The following TEX52 variants were observed in gnomAD, a reference collection of about 807,000 sequenced individuals.
TEX52 encodes testis-expressed protein 52.
Under a neutral mutation model 17.6 loss-of-function variants are expected in TEX52, and 22 were observed. The observed-to-expected ratio is 1.25, with a 90% CI of 0.89 to 1.78. The LOEUF (loss-of-function observed/expected upper bound fraction) is 1.78, where lower values mean the gene tolerates loss of function less well. Ranked by LOEUF, TEX52 falls within the 40% of genes most tolerant of loss-of-function variation. The pLI, the probability that TEX52 is intolerant of heterozygous loss-of-function variation, is 0.00. For missense variants in TEX52, 396 were observed against 372.3 expected, an observed-to-expected ratio of 1.06 and a Z score of -0.52; for synonymous variants, 168 against 147.4, an observed-to-expected ratio of 1.14 and a Z score of -1.01.
chr12:2,855,192 G>A lies in TEX52; in HGVS notation c.327C>T (p.Pro109=), dbSNP rs1344266885. 6.6e-7 allele frequency: 1 copy of A among 1,508,216 alleles called. No homozygotes were observed. Among genetic ancestry groups the A allele is most frequent in the Non-Finnish European group, 8.9e-7 (1 of 1,129,282 alleles). The allele number at this position is 1,508,216 out of a possible 1,614,324, so 93.4% of individuals were successfully genotyped here. A position where few individuals can be genotyped will look rare whatever the true frequency, so the allele number is the denominator to read the frequency against. ...LDVCRLPATF[P]TQPDRPYDSN... The stretch of plus-strand genomic sequence containing the variant: ...TATCGTAGGGCCTGTCAGGCTGGGT[G>A]GGGAAGGTGGCAGGCAGACGGCACA... The change falls in exon 2 of 3, where the codon CCC becomes CCT. Residue 109 remains proline, a synonymous_variant. Coordinates refer to ENST00000637658, the MANE Select transcript of TEX52 (RefSeq NM_001365174.2).
intron 2 of TEX52, among the ~76,000 whole-genome samples, chr12:2,850,249 G>T (rs1052288642): frequency 2.6e-5 from 4 of 152,098 alleles, no homozygotes; most frequent in Non-Finnish European, 4.4e-5. Context: ...GCCGAGGCGG[G>T]TGGATCACAA....
In TEX52 at chr12:2,855,433, C is replaced by A; in HGVS notation, c.86G>T (p.Ser29Ile). 1 of 1,467,754 alleles carries A rather than the reference C, an allele frequency of 6.8e-7. No individual in the cohort carries two copies. The highest frequency in any genetic ancestry group is 9.0e-7 in the Non-Finnish European group (1 of 1,108,658). The allele number at this position is 1,467,754 out of a possible 1,614,324, so 90.9% of individuals were successfully genotyped here. ...EEPFLQMVQA[S>I]ESLPPSQTWA... ...CGTTTGGGAGGGTGGGAGGGACTCGCTGGCCTGGACCATCTAGGGAGAGAC... is the reference window on the plus strand; with the variant it reads ...CGTTTGGGAGGGTGGGAGGGACTCGATGGCCTGGACCATCTAGGGAGAGAC... Residue 29 changes from serine to isoleucine, a missense_variant, in exon 2 of 3, where the codon AGC becomes ATC. Physicochemically the swap from Ser to Ile is moderately radical, Grantham distance 142. Transcript: ENST00000637658.
chr12:2,848,990 G>T (rs1047487283), downstream of TEX52: 8 of 496,542 alleles, frequency 1.6e-5, no homozygotes, highest in Middle Eastern at 5.5e-4. Context: ...CCTCCTGGCC[G>T]CAGTCCTCCC....
intron 1 of TEX52, among the ~76,000 whole-genome samples, chr12:2,856,180 C>T (rs1272128176): frequency 6.6e-6 from 1 of 152,186 alleles, no homozygotes; most frequent in African/African-American, 2.4e-5. Flanking sequence ...AAGCAACACA[C>T]AGTAAGGGTA....
At chr12:2,854,866 G>C (rs1013915921) in intron 2 of TEX52, 30 bp downstream of exon 2, 3 of 1,512,054 alleles carry the variant, frequency 2.0e-6, no homozygotes, top group South Asian at 1.3e-5. Flanking sequence ...GGGCAGGCTG[G>C]GTGGGCTCCC....
At chr12:2,852,743 G>T (rs1400834149) in intron 2 of TEX52, among the ~76,000 whole-genome samples, 1 of 152,042 alleles carries the variant, frequency 6.6e-6, no homozygotes, top group Admixed American at 6.6e-5. Flanking sequence ...GGTGGCTCAC[G>T]CCTGTAATCC....
downstream of TEX52, among the ~76,000 whole-genome samples, chr12:2,848,329 A>C (rs114853668): frequency 5.2e-3 from 793 of 152,136 alleles, 9 homozygotes; most frequent in African/African-American, 0.017. Flanking sequence ...CCACCTTCCC[A>C]TCACCCTCCC....
chr12:2,856,829 A>G, intron 1 of TEX52, 126 bp downstream of exon 1: 1 of 653,078 alleles, frequency 1.5e-6, no homozygotes, highest in Non-Finnish European at 2.8e-6. Flanking sequence ...TGAAAAGGGG[A>G]AGACAGCAGA....
rs1565447381 is a variant in TEX52 at position 2,849,509 on chromosome 12, C to CAT, written c.639_640insAT (p.Ala214MetfsTer40). 1 of 1,535,938 alleles carries CAT rather than the reference C, an allele frequency of 6.5e-7. No homozygotes were observed. Among genetic ancestry groups the CAT allele is most frequent in the East Asian group, 2.4e-5 (1 of 40,930 alleles). ...CCCTGGGGTTCAAACCTCCCACCAGCGGATATGTGCCGGTACCTGTTGGGA... is the reference window on the plus strand; with the variant it reads ...CCCTGGGGTTCAAACCTCCCACCAGCATGGATATGTGCCGGTACCTGTTGGGA... On this transcript the variant is annotated frameshift_variant, in exon 3 of 3. Coordinates refer to ENST00000637658, the MANE Select transcript of TEX52 (RefSeq NM_001365174.2). LOFTEE classifies it low-confidence loss of function (END_TRUNC).
chr12:2,854,848 C>T, intron 2 of TEX52, 48 bp downstream of exon 2: 1 of 1,485,836 alleles, frequency 6.7e-7, no homozygotes, highest in Non-Finnish European at 8.9e-7. Context: ...GGAGGGGTCA[C>T]CTGGGCAGGG....
In TEX52 at chr12:2,849,421, G is replaced by C; in HGVS notation, c.728C>G (p.Pro243Arg). 2 of 1,536,214 alleles carry C rather than the reference G, an allele frequency of 1.3e-6. 1 individual carries two copies. The highest frequency in any genetic ancestry group is 2.4e-5 in the South Asian group (2 of 84,064). ...CACCTTCTCCTGGTAGTGAGGCAGA[G>C]GGTTTGGGCAGGGCCAGCTCCTGGC... ...NFARSWPCPN[P>R]LPHYQEKVLK... is the part of the protein sequence containing the mutation. Residue 243 changes from proline (P) to arginine (R), a missense_variant, in exon 3 of 3, where the codon CCT (proline) becomes CGT (arginine). Transcript: ENST00000637658.
At chr12:2,848,367 A>C (rs1288553389), downstream of TEX52, among the ~76,000 whole-genome samples, 1 of 152,164 alleles carries the variant, frequency 6.6e-6, no homozygotes, top group Admixed American at 6.5e-5. Flanking sequence ...GCCAGGGCCA[A>C]CACCATTCTG....
intron 2 of TEX52, among the ~76,000 whole-genome samples, chr12:2,853,234 C>T (rs928138369): frequency 1.3e-5 from 2 of 152,038 alleles, no homozygotes; most frequent in Admixed American, 6.6e-5. Flanking sequence ...AAGCCTGGGT[C>T]CCCACAAAGG....
At chr12:2,850,978 CTT>C (rs35125854) in intron 2 of TEX52, among the ~76,000 whole-genome samples, 970 of 81,468 alleles carry the variant, frequency 0.012, 2 homozygotes, top group Middle Eastern at 0.02. Flanking sequence ...GGCCCAGAGT[CTT>C]TTTTTTTTTT....
intron 2 of TEX52, among the ~76,000 whole-genome samples, chr12:2,853,357 C>T (rs1300608255): frequency 6.6e-6 from 1 of 152,142 alleles, no homozygotes; most frequent in Non-Finnish European, 1.5e-5. Context: ...ACTGCAACCT[C>T]CACCTCCCGG....
chr12:2,855,201 G>A lies in TEX52; in HGVS notation c.318C>T (p.Ala106=). The A allele has an allele frequency of 6.6e-7, 1 of 1,507,114 alleles. No homozygotes were observed. The highest frequency in any genetic ancestry group is 8.9e-7 in the Non-Finnish European group (1 of 1,128,634). 93.4% of individuals were successfully genotyped at this position (1,507,114 alleles called of 1,614,324 possible). The change falls in exon 2 of 3, where the codon GCC becomes GCT. Residue 106 remains alanine (A), a synonymous_variant. Transcript: ENST00000637658. The part of the protein sequence containing the change: ...HTWLDVCRLP[A]TFPTQPDRPY... ...GCCTGTCAGGCTGGGTGGGGAAGGT[G>A]GCAGGCAGACGGCACACATCGAGCC...
intron 2 of TEX52, among the ~76,000 whole-genome samples, chr12:2,852,485 G>C (rs1456584285): frequency 6.6e-6 from 1 of 152,068 alleles, no homozygotes; most frequent in East Asian, 1.9e-4. Context: ...TCCCACTTCA[G>C]CCTCCCATGT....
chr12:2,849,512 A>G lies in TEX52; in HGVS notation c.637T>C (p.Ser213Pro). The change falls in exon 3 of 3, where the codon TCC becomes CCC. Residue 213 changes from serine (S) to proline (P), a missense_variant. Ser to Pro is a moderately conservative substitution (Grantham distance 74). Transcript: ENST00000637658. ...PASFKKYRHI[S>P]AGGRFEPQGL... ...TGGGGTTCAAACCTCCCACCAGCGG[A>G]TATGTGCCGGTACCTGTTGGGAGAA... is the stretch of plus-strand genomic sequence containing the variant. 2 of 1,536,120 alleles carry G rather than the reference A, an allele frequency of 1.3e-6. No homozygotes were observed. The highest frequency in any genetic ancestry group is 1.7e-6 in the Non-Finnish European group (2 of 1,146,904).
At chr12:2,851,107 G>T (rs28870117) in intron 2 of TEX52, among the ~76,000 whole-genome samples, 4,708 of 149,660 alleles carry the variant, frequency 0.031, 228 homozygotes, top group African/African-American at 0.11. Flanking sequence ...GCAGTGAGCA[G>T]TGCCGAGATC....
Sources: allele counts gnomAD v4.1 joint callset (sites outside exome capture counted in the v4.1 genomes callset), GRCh38; gene constraint gnomAD v4.1.1; transcripts MANE v1.5; gene names NCBI Gene and HGNC (gene_info 2026-07-23, HGNC 2026-07-21).